Variants in ANKRD30B observed in about 807,000 individuals in gnomAD.
ANKRD30B encodes ankyrin repeat domain-containing protein 30B.
In ANKRD30B, 144 loss-of-function variants were observed where a neutral mutation model predicts 202.2. The observed-to-expected ratio is 0.71, with a 90% CI of 0.62 to 0.82. The LOEUF (loss-of-function observed/expected upper bound fraction) is 0.82, where lower values mean the gene tolerates loss of function less well. Ranked by LOEUF, ANKRD30B falls within the 40% of genes least tolerant of loss-of-function variation. The probability of loss-of-function intolerance (pLI) is 0.00; values close to 1 mark genes in which losing one functional copy is unlikely to be tolerated. For synonymous variants in ANKRD30B, 508 were observed against 561.3 expected, an observed-to-expected ratio of 0.91 and a Z score of 1.34; for missense variants, 1,487 against 1,669.1, an observed-to-expected ratio of 0.89 and a Z score of 1.90.
the ANKRD30B span, among the ~76,000 whole-genome samples, chr18:14,914,328 G>A: frequency 1.3e-5 from 2 of 152,192 alleles, no homozygotes; most frequent in Non-Finnish European, 2.9e-5. Flanking sequence ...CACAGGCTTT[G>A]AGTATTGGAG....
the ANKRD30B span, among the ~76,000 whole-genome samples, chr18:14,899,038 T>A: frequency 6.6e-6 from 1 of 152,190 alleles, no homozygotes; most frequent in East Asian, 1.9e-4. Flanking sequence ...CATAAACGTA[T>A]TTTACAGTAA....
At chr18:14,799,035 T>A in intron 20 of ANKRD30B, 66 bp from the exon 21 acceptor site, 1 of 1,397,516 alleles carries the variant, frequency 7.2e-7, no homozygotes, top group East Asian at 2.3e-5. Context: ...ATTCACACTC[T>A]ATGAACGTTT....
intron 16 of ANKRD30B, 47 bp downstream of exon 16, chr18:14,791,538 C>G: frequency 6.9e-7 from 1 of 1,439,610 alleles, no homozygotes; most frequent in Non-Finnish European, 9.6e-7. Context: ...AAATATTTAT[C>G]TAAACTGATG....
chr18:14,882,092 G>T, the ANKRD30B span, among the ~76,000 whole-genome samples: 1,694 of 152,106 alleles, frequency 0.011, 36 homozygotes, highest in African/African-American at 0.039. Flanking sequence ...TGTTGTTGTT[G>T]TTCTTGTGTC....
chr18:14,880,103 C>G, the ANKRD30B span, among the ~76,000 whole-genome samples: 3 of 151,760 alleles, frequency 2.0e-5, no homozygotes, highest in African/African-American at 7.3e-5. Context: ...ACATGTGGCT[C>G]GCCAATTATC....
rs4075383 is a variant in ANKRD30B at position 14,805,253 on chromosome 18, T to A, written c.2284+1429T>A. On this transcript the variant is annotated intron_variant, in intron 24 of 43. Transcript: ENST00000690538. ...ATTTTAAAAACCATAATTCTGAATT[T>A]ATGACTTGAATACTTAAATTGTTGT... Among the ~76,000 whole-genome samples, 73 of 150,780 alleles carry A rather than the reference T, an allele frequency of 4.8e-4. 2 individuals carry two copies. The highest frequency in any genetic ancestry group is 7.9e-4 in the Admixed American group (12 of 15,200).
intron 28 of ANKRD30B, among the ~76,000 whole-genome samples, 177 bp downstream of exon 28, chr18:14,810,357 T>G (rs1329526030): frequency 6.6e-6 from 1 of 151,322 alleles, no homozygotes; most frequent in East Asian, 1.9e-4. Flanking sequence ...AGCATAAGAA[T>G]TAGGGATTTA....
the ANKRD30B span, among the ~76,000 whole-genome samples, chr18:14,873,307 C>T: frequency 8.6e-5 from 13 of 152,042 alleles, no homozygotes; most frequent in East Asian, 9.7e-4. Context: ...GGGTGGATCA[C>T]GAGGTCAGAA....
chr18:14,763,771 A>G lies in ANKRD30B; in HGVS notation c.906A>G (p.Thr302=). ...PDTAESLLEK[T]PDEAARLVEG... ...CGGCTGAAAGCTTGCTGGAAAAAACACCTGACGAGGCTGCACGCTTGGTGG... is the reference window on the plus strand; with the variant it reads ...CGGCTGAAAGCTTGCTGGAAAAAACGCCTGACGAGGCTGCACGCTTGGTGG... Residue 302 remains threonine (T), a synonymous_variant, in exon 7 of 44, where the codon ACA becomes ACG. Coordinates refer to ENST00000690538, the MANE Select transcript of ANKRD30B (RefSeq NM_001367607.2). 1.9e-6 allele frequency: 3 copies of G among 1,613,982 alleles called. No homozygotes were observed. Among genetic ancestry groups the G allele is most frequent in the Admixed American group, 1.7e-5 (1 of 59,974 alleles).
At chr18:14,785,146 T>C (rs1375250705) in intron 14 of ANKRD30B, among the ~76,000 whole-genome samples, 2 of 152,234 alleles carry the variant, frequency 1.3e-5, no homozygotes, top group Non-Finnish European at 2.9e-5. Flanking sequence ...TTCCTAAAAC[T>C]GTAATTCTGA....
At chr18:14,832,125 A>C (rs1179499818) in intron 34 of ANKRD30B, among the ~76,000 whole-genome samples, 1 of 152,218 alleles carries the variant, frequency 6.6e-6, no homozygotes, top group South Asian at 2.1e-4. Context: ...GCTACCAAGG[A>C]GGCTGATGCA....
chr18:14,866,367 G>C, the ANKRD30B span, among the ~76,000 whole-genome samples: 1 of 152,120 alleles, frequency 6.6e-6, no homozygotes, highest in Admixed American at 6.5e-5. Context: ...GGCCTGAGTG[G>C]TAGGAGGGGG....
chr18:14,769,437 C>G, intron 8 of ANKRD30B, 64 bp downstream of exon 8: 2 of 1,294,816 alleles, frequency 1.5e-6, no homozygotes, highest in Non-Finnish European at 1.1e-6. Context: ...AAAGAAATCA[C>G]TATCTGCTGA....
intron 30 of ANKRD30B, among the ~76,000 whole-genome samples, chr18:14,822,101 T>C (rs1034500264): frequency 2.0e-5 from 3 of 152,092 alleles, no homozygotes; most frequent in African/African-American, 4.8e-5. Context: ...CATTCTACCA[T>C]TAGCTTGGAC....
At position 14,848,890 on chromosome 18, in the gene ANKRD30B, A is replaced by G. The variant is rs780795045; in HGVS notation, c.3356A>G (p.Asn1119Ser). The change falls in exon 40 of 44, where the codon AAC becomes AGC. Residue 1119 changes from asparagine (N) to serine (S), a missense_variant. Coordinates refer to ENST00000690538, the MANE Select transcript of ANKRD30B (RefSeq NM_001367607.2). ...AAAGAAATAAAATCACAGTTAGAGA[A>G]CCAAAAAGCTAAATGGGAACAAGAG... ...EAKEIKSQLE[N>S]QKAKWEQELC... The G allele has an allele frequency of 3.1e-6, 5 of 1,598,874 alleles. No homozygotes were observed. The African/African-American group carries it at 5.4e-5, about 17-fold the overall frequency.
chr18:14,908,569 G>T, the ANKRD30B span, among the ~76,000 whole-genome samples: 1 of 152,112 alleles, frequency 6.6e-6, no homozygotes. Context: ...TAACCCTCTC[G>T]CTCTGACCTC....
chr18:14,830,238 C>G (rs932665480), intron 33 of ANKRD30B: 5 of 154,274 alleles, frequency 3.2e-5, no homozygotes, highest in African/African-American at 4.8e-5. Flanking sequence ...ATCTTTCTCT[C>G]TGTATATATA....
At chr18:14,749,718 T>C (rs1913118809) in intron 1 of ANKRD30B, among the ~76,000 whole-genome samples, 1 of 144,670 alleles carries the variant, frequency 6.9e-6, no homozygotes. Context: ...GATTGTTTGC[T>C]AACAGCTGAA....
intron 39 of ANKRD30B, 122 bp downstream of exon 39, chr18:14,843,218 AGTGGT>A: frequency 3.0e-6 from 3 of 1,011,318 alleles, no homozygotes; most frequent in Non-Finnish European, 4.1e-6. Flanking sequence ...TAATGTCAAT[AGTGGT>A]ATCCACATTT....
Sources: gnomAD v4.1 joint callset for allele counts (sites outside exome capture counted in the v4.1 genomes callset) on GRCh38, gnomAD v4.1.1 for gene constraint, MANE v1.5 for transcripts, NCBI Gene and HGNC (gene_info 2026-07-23, HGNC 2026-07-21) for gene names.